The following SGCZ variants were observed in gnomAD, a reference collection of about 807,000 sequenced individuals.
SGCZ encodes the protein sarcoglycan zeta, also known as zeta-sarcoglycan.
Under a neutral mutation model 41.3 loss-of-function variants are expected in SGCZ, and 40 were observed. The ratio of observed to expected loss-of-function variants is 0.97; its 90% CI spans 0.75 to 1.26. The LOEUF (loss-of-function observed/expected upper bound fraction) is 1.26. SGCZ is among the 50% of genes most tolerant of loss of function. SGCZ has a pLI of 0.00. For synonymous variants in SGCZ, 206 were observed against 137.5 expected (o/e 1.50, Z -3.49); for missense variants, 552 against 369.8 (o/e 1.49, Z -4.04).
At chr8:14,697,065 T>C (rs1808988552) in intron 1 of SGCZ, among the ~76,000 whole-genome samples, 1 of 152,040 alleles carries the variant, frequency 6.6e-6, no homozygotes, top group East Asian at 1.9e-4. Flanking sequence ...TCCAATATTC[T>C]ATAGCCAGCA....
chr8:14,241,939 C>T (rs1337793883), intron 3 of SGCZ, among the ~76,000 whole-genome samples: 2 of 151,984 alleles, frequency 1.3e-5, no homozygotes, highest in Admixed American at 6.6e-5. Flanking sequence ...ATTTCTATTG[C>T]CTTCACTTTA....
At chr8:14,528,503 T>A (rs923607415) in intron 2 of SGCZ, among the ~76,000 whole-genome samples, 23 of 152,210 alleles carry the variant, frequency 1.5e-4, no homozygotes, top group African/African-American at 5.5e-4. Flanking sequence ...AAAGTCCAAC[T>A]TTGTTACACC....
At chr8:14,677,441 A>T (rs1808312048) in intron 1 of SGCZ, among the ~76,000 whole-genome samples, 1 of 152,168 alleles carries the variant, frequency 6.6e-6, no homozygotes, top group Admixed American at 6.6e-5. Flanking sequence ...GAATAACAAC[A>T]AATTGATTCT....
rs750326395 is a variant in SGCZ at position 14,510,253 on chromosome 8, A to G, written c.234+44479T>C. 2.4e-4 allele frequency among the ~76,000 whole-genome samples: 37 copies of G among 152,288 alleles called. 1 individual carries two copies. The highest frequency in any genetic ancestry group is 5.0e-4 in the Non-Finnish European group (34 of 68,016). Reference sequence around the variant, plus strand: ...TTTATGGAAGTAAAATAAGAGGCAGACTGGTGGAGTAGAAAGTAAACTGAA... The same window carrying G: ...TTTATGGAAGTAAAATAAGAGGCAGGCTGGTGGAGTAGAAAGTAAACTGAA... On this transcript the variant is annotated intron_variant, in intron 2 of 7. Transcript: ENST00000382080.
chr8:14,920,671 G>C (rs1335905791), intron 1 of SGCZ, among the ~76,000 whole-genome samples: 1 of 152,054 alleles, frequency 6.6e-6, no homozygotes, highest in East Asian at 1.9e-4. Flanking sequence ...AGAACAAATG[G>C]AGATACGAGA....
chr8:14,798,888 T>A (rs1163552578), intron 1 of SGCZ, among the ~76,000 whole-genome samples: 2 of 151,288 alleles, frequency 1.3e-5, no homozygotes, highest in Non-Finnish European at 2.9e-5. Flanking sequence ...AAAATGCTTT[T>A]TAATATGTTA....
At chr8:14,231,847 C>G (rs62500169) in intron 4 of SGCZ, among the ~76,000 whole-genome samples, 7,625 of 152,120 alleles carry the variant, frequency 0.05, 261 homozygotes, top group East Asian at 0.12. Context: ...ACAGTGGGAT[C>G]ATTTGGTTAC....
chr8:14,286,345 A>G (rs890539), intron 3 of SGCZ, among the ~76,000 whole-genome samples: 147,121 of 152,182 alleles, frequency 0.97, 71,282 homozygotes, highest in East Asian at 1. Flanking sequence ...AGTTACAAAC[A>G]AACTCACCAT....
At chr8:14,566,786 C>A (rs574116508) in intron 1 of SGCZ, among the ~76,000 whole-genome samples, 1 of 152,198 alleles carries the variant, frequency 6.6e-6, no homozygotes, top group South Asian at 2.1e-4. Flanking sequence ...TGGCCAAGGC[C>A]GGAGCTGGCT....
chr8:15,121,993 A>G (rs1434562099), intron 1 of SGCZ, among the ~76,000 whole-genome samples: 1 of 152,084 alleles, frequency 6.6e-6, no homozygotes, highest in Non-Finnish European at 1.5e-5. Context: ...GTGTAGGGAT[A>G]CAACATAAAT....
chr8:14,507,523 C>T (rs945493627), intron 2 of SGCZ, among the ~76,000 whole-genome samples: 1 of 152,202 alleles, frequency 6.6e-6, no homozygotes, highest in South Asian at 2.1e-4. Context: ...AGAGTCCCCA[C>T]ATCATCTTGA....
chr8:14,218,405 T>G (rs964241479), intron 4 of SGCZ, among the ~76,000 whole-genome samples: 1 of 152,200 alleles, frequency 6.6e-6, no homozygotes, highest in African/African-American at 2.4e-5. Context: ...AAGTATTAAG[T>G]TATTGCTGAA....
intron 1 of SGCZ, among the ~76,000 whole-genome samples, chr8:14,676,846 C>T (rs1808293712): frequency 2.0e-5 from 3 of 152,050 alleles, no homozygotes; most frequent in African/African-American, 7.2e-5. Flanking sequence ...AAAAAACGTA[C>T]AGCTAACACC....
intron 1 of SGCZ, among the ~76,000 whole-genome samples, chr8:14,635,353 T>C (rs1585142650): frequency 6.6e-6 from 1 of 151,976 alleles, no homozygotes; most frequent in African/African-American, 2.4e-5. Context: ...AACTATATTC[T>C]CATTTTAGCA....
Position 14,712,167 on chromosome 8 carries a change from T to A in SGCZ, c.40-157241A>T, listed in dbSNP as rs896984981. Among the ~76,000 whole-genome samples the A allele has an allele frequency of 5.9e-5, 9 of 152,268 alleles. No individual in the cohort carries two copies. In the East Asian group the frequency reaches 1.7e-3, roughly 29 times the overall value. On this transcript the variant is annotated intron_variant, in intron 1 of 7. Transcript: ENST00000382080. ...CCACAACTAACCCCTAACTAGAAACTTTAAGACTAGCATTTCACTTTAATT... is the reference window on the plus strand; with the variant it reads ...CCACAACTAACCCCTAACTAGAAACATTAAGACTAGCATTTCACTTTAATT...
intron 3 of SGCZ, among the ~76,000 whole-genome samples, chr8:14,275,613 T>C (rs539765912): frequency 6.6e-5 from 10 of 152,310 alleles, no homozygotes; most frequent in African/African-American, 2.2e-4. Flanking sequence ...CCAGGAATAC[T>C]GTCCTGAGCT....
At chr8:14,892,037 T>A (rs1421385567) in intron 1 of SGCZ, among the ~76,000 whole-genome samples, 3 of 152,226 alleles carry the variant, frequency 2.0e-5, no homozygotes, top group Non-Finnish European at 2.9e-5. Context: ...GTGACTTGCT[T>A]TAATGCAGTG....
At chr8:15,121,435 T>C (rs1807472558) in intron 1 of SGCZ, among the ~76,000 whole-genome samples, 1 of 152,180 alleles carries the variant, frequency 6.6e-6, no homozygotes, top group Non-Finnish European at 1.5e-5. Context: ...ATATAGCAGA[T>C]GACCTTCCAA....
At chr8:14,545,671 C>G (rs6996509) in intron 2 of SGCZ, among the ~76,000 whole-genome samples, 2,366 of 152,230 alleles carry the variant, frequency 0.016, 56 homozygotes, top group African/African-American at 0.054. Flanking sequence ...TTTTAATTTT[C>G]TGGACTTCTG....
Sources: allele counts gnomAD v4.1 joint callset (sites outside exome capture counted in the v4.1 genomes callset), GRCh38; gene constraint gnomAD v4.1.1; transcripts MANE v1.5; gene names NCBI Gene and HGNC (gene_info 2026-07-23, HGNC 2026-07-21).